The following PDE1C variants were observed in gnomAD, a reference collection of about 807,000 sequenced individuals.
PDE1C encodes phosphodiesterase 1C.
In PDE1C, 62 loss-of-function variants were observed where a neutral mutation model predicts 93.1. That is an observed-to-expected ratio of 0.67 (90% CI 0.54 to 0.82). The LOEUF (loss-of-function observed/expected upper bound fraction) is 0.82, where lower values mean the gene tolerates loss of function less well. PDE1C is among the 40% of genes least tolerant of loss of function. The pLI is 0.00. For synonymous variants in PDE1C, 325 were observed against 310.1 expected, an observed-to-expected ratio of 1.05 and a Z score of -0.50; for missense variants, 742 against 884.6, an observed-to-expected ratio of 0.84 and a Z score of 2.04.
the PDE1C span, among the ~76,000 whole-genome samples, chr7:31,723,916 G>C: frequency 6.6e-6 from 1 of 151,690 alleles, no homozygotes. Context: ...CAGTCTCTCT[G>C]AGCATTTCTT....
intron 2 of PDE1C, among the ~76,000 whole-genome samples, chr7:32,208,304 T>C (rs1805754605): frequency 6.6e-6 from 1 of 152,190 alleles, no homozygotes; most frequent in South Asian, 2.1e-4. Context: ...ACTATGGCAC[T>C]GTCCACACTC....
chr7:32,138,667 T>C (rs1800342062), intron 3 of PDE1C, among the ~76,000 whole-genome samples: 1 of 152,160 alleles, frequency 6.6e-6, no homozygotes, highest in South Asian at 2.1e-4. Flanking sequence ...TAATAAAAAT[T>C]ATTAATTAAT....
At chr7:32,255,064 A>G (rs1809683530) in intron 1 of PDE1C, among the ~76,000 whole-genome samples, 1 of 152,208 alleles carries the variant, frequency 6.6e-6, no homozygotes, top group African/African-American at 2.4e-5. Context: ...TATTCCCAGA[A>G]GAGCTCAGAA....
At chr7:31,810,944 A>G (rs1787468049) in intron 15 of PDE1C, among the ~76,000 whole-genome samples, 1 of 152,264 alleles carries the variant, frequency 6.6e-6, no homozygotes, top group Non-Finnish European at 1.5e-5. Context: ...AATTTGACAA[A>G]TACTAAGCTA....
chr7:31,922,242 C>A (rs1182256588), intron 2 of PDE1C, among the ~76,000 whole-genome samples: 2 of 152,166 alleles, frequency 1.3e-5, no homozygotes, highest in East Asian at 1.9e-4. Context: ...CTCTATTTAA[C>A]AATCTTCAGG....
chr7:32,116,331 G>C (rs1487791487), intron 3 of PDE1C, among the ~76,000 whole-genome samples: 1 of 151,816 alleles, frequency 6.6e-6, no homozygotes, highest in African/African-American at 2.4e-5. Context: ...TTACTTCATT[G>C]CCAAAGGATG....
At chr7:31,767,053 T>C (rs1388071248) in intron 17 of PDE1C, among the ~76,000 whole-genome samples, 1 of 152,174 alleles carries the variant, frequency 6.6e-6, no homozygotes, top group Admixed American at 6.5e-5. Flanking sequence ...AATCAAATAA[T>C]CTCTATATTT....
At chr7:32,129,726 C>G (rs1799815558) in intron 3 of PDE1C, among the ~76,000 whole-genome samples, 1 of 151,888 alleles carries the variant, frequency 6.6e-6, no homozygotes, top group African/African-American at 2.4e-5. Flanking sequence ...CTTGAAAAAA[C>G]ACATAAATAG....
chr7:31,921,564 A>G (rs1391254341), intron 2 of PDE1C, among the ~76,000 whole-genome samples: 6 of 152,154 alleles, frequency 3.9e-5, no homozygotes, highest in Non-Finnish European at 2.9e-5. Flanking sequence ...GTGATTTTGT[A>G]AACATTTAAC....
intron 4 of PDE1C, among the ~76,000 whole-genome samples, chr7:31,878,791 CA>C (rs1562960104): frequency 6.6e-6 from 1 of 152,086 alleles, no homozygotes; most frequent in East Asian, 1.9e-4. Context: ...AAATTCTGAG[CA>C]AAAGCAAAAG....
chr7:32,173,032 T>C (rs1802755909), intron 2 of PDE1C, among the ~76,000 whole-genome samples: 1 of 152,096 alleles, frequency 6.6e-6, no homozygotes, highest in African/African-American at 2.4e-5. Context: ...GGAATATAAA[T>C]CATTCTACTA....
At chr7:31,976,549 T>C (rs1359437199) in intron 2 of PDE1C, among the ~76,000 whole-genome samples, 1 of 152,184 alleles carries the variant, frequency 6.6e-6, no homozygotes, top group Non-Finnish European at 1.5e-5. Context: ...CATCATTAAC[T>C]AGTACTTTTT....
At chr7:32,207,355 CA>C (rs568631714) in intron 2 of PDE1C, among the ~76,000 whole-genome samples, 1,867 of 109,962 alleles carry the variant, frequency 0.017, 27 homozygotes, top group African/African-American at 0.05. Flanking sequence ...CTTCCAGTCT[CA>C]AAAAAAAAAA....
chr7:32,170,230 G>T (rs1013634429), intron 2 of PDE1C, among the ~76,000 whole-genome samples: 1 of 152,188 alleles, frequency 6.6e-6, no homozygotes, highest in Middle Eastern at 3.4e-3. Flanking sequence ...AGAGCCACAG[G>T]TATCTATGTA....
chr7:32,018,249 G>A (rs1275746250), intron 2 of PDE1C, among the ~76,000 whole-genome samples: 1 of 151,996 alleles, frequency 6.6e-6, no homozygotes, highest in Non-Finnish European at 1.5e-5. Context: ...TTTGAAAAAT[G>A]ACTTGGCAGC....
Position 31,847,981 on chromosome 7 carries a change from T to C in PDE1C, c.967A>G (p.Lys323Glu). The C allele has an allele frequency of 1.2e-6, 2 of 1,612,784 alleles. No homozygotes were observed. The highest frequency in any genetic ancestry group is 1.7e-6 in the Non-Finnish European group (2 of 1,179,396). Residue 323 changes from lysine to glutamate, a missense_variant, in exon 9 of 18, where the codon AAG (lysine) becomes GAG (glutamate). Physicochemically the swap from Lys to Glu is moderately conservative, Grantham distance 56. Coordinates refer to ENST00000396191, the MANE Select transcript of PDE1C (RefSeq NM_001191057.4). ...EEMNILINLSKDDWREFRTLV... is the reference protein window; with the variant it reads ...EEMNILINLSEDDWREFRTLV... Reference sequence around the variant, plus strand: ...TCTCATCCTTACCTCCAGTCATCCTTTGAGAGGTTAATCAAAATATTCATT... The same window carrying C: ...TCTCATCCTTACCTCCAGTCATCCTCTGAGAGGTTAATCAAAATATTCATT...
upstream of PDE1C, among the ~76,000 whole-genome samples, chr7:32,075,895 T>C (rs1285010911): frequency 6.6e-6 from 1 of 152,162 alleles, no homozygotes; most frequent in Non-Finnish European, 1.5e-5. Context: ...CTTGGAGTGG[T>C]ACTGCCTCAC....
chr7:31,646,597 T>A, the PDE1C span, among the ~76,000 whole-genome samples: 2 of 152,164 alleles, frequency 1.3e-5, no homozygotes, highest in Non-Finnish European at 2.9e-5. Context: ...TCCTCCTTCC[T>A]AGTGTCAAAA....
chr7:32,175,751 A>T (rs528522583), intron 2 of PDE1C, among the ~76,000 whole-genome samples: 53 of 152,226 alleles, frequency 3.5e-4, no homozygotes, highest in Non-Finnish European at 5.6e-4. Flanking sequence ...AAAAACTTTC[A>T]TGAGCGTCCT....
Sources: gnomAD v4.1 joint callset for allele counts (sites outside exome capture counted in the v4.1 genomes callset) on GRCh38, gnomAD v4.1.1 for gene constraint, MANE v1.5 for transcripts, NCBI Gene and HGNC (gene_info 2026-07-23, HGNC 2026-07-21) for gene names.